SLC5A11: variants seen among roughly 807,000 people sequenced by gnomAD.
The protein encoded by SLC5A11 is sodium/myo-inositol cotransporter 2.
Under a neutral mutation model 69.8 loss-of-function variants are expected in SLC5A11, and 48 were observed. The ratio of observed to expected loss-of-function variants is 0.69; its 90% CI spans 0.55 to 0.87. SLC5A11 has a LOEUF of 0.87. Among genes scored for constraint, SLC5A11 ranks in the 40% least tolerant of loss-of-function variants. The pLI, the probability that SLC5A11 is intolerant of heterozygous loss-of-function variation, is 0.00. For missense variants in SLC5A11, 784 were observed against 866.1 expected, an observed-to-expected ratio of 0.91 and a Z score of 1.19; for synonymous variants, 319 against 342.4, an observed-to-expected ratio of 0.93 and a Z score of 0.75.
intron 2 of SLC5A11, 67 bp from the exon 4 acceptor site, chr16:24,862,534 A>G: frequency 7.3e-7 from 1 of 1,376,774 alleles, no homozygotes. Context: ...TGCCTGGCCT[A>G]GGCCATTTTG....
chr16:24,895,281 G>T (rs1210439430), intron 9 of SLC5A11, among the ~76,000 whole-genome samples: 1 of 152,030 alleles, frequency 6.6e-6, no homozygotes, highest in African/African-American at 2.4e-5. Flanking sequence ...TTAAGGTCAG[G>T]AGTTTGAGAC....
chr16:24,896,214 T>C (rs1283194168), intron 9 of SLC5A11, among the ~76,000 whole-genome samples: 1 of 151,822 alleles, frequency 6.6e-6, no homozygotes, highest in African/African-American at 2.4e-5. Context: ...AAACATAAAA[T>C]GTAGCCAAGT....
At chr16:24,857,071 C>T (rs192999360) in intron 1 of SLC5A11, among the ~76,000 whole-genome samples, 125 of 152,302 alleles carry the variant, frequency 8.2e-4, no homozygotes, top group South Asian at 6.0e-3. Context: ...CCACTCACCT[C>T]GGCCTCCCGA....
chr16:24,903,134 A>G (rs188145561), intron 10 of SLC5A11, among the ~76,000 whole-genome samples: 1 of 151,328 alleles, frequency 6.6e-6, no homozygotes, highest in Admixed American at 6.6e-5. Context: ...TAGAAGTGCA[A>G]ACTTTCAGTC....
intron 10 of SLC5A11, among the ~76,000 whole-genome samples, chr16:24,901,932 A>G (rs1021924792): frequency 1.9e-4 from 7 of 36,382 alleles, no homozygotes; most frequent in Middle Eastern, 9.1e-3. Context: ...AAAAAAAAAT[A>G]CACACACACA....
At chr16:24,894,749 C>T (rs990636048) in intron 9 of SLC5A11, among the ~76,000 whole-genome samples, 1 of 151,706 alleles carries the variant, frequency 6.6e-6, no homozygotes, top group African/African-American at 2.4e-5. Flanking sequence ...GCAGTGAACC[C>T]GGATCGCGCC....
At chr16:24,868,758 C>G (rs892858517) in intron 3 of SLC5A11, among the ~76,000 whole-genome samples, 1 of 151,920 alleles carries the variant, frequency 6.6e-6, no homozygotes, top group African/African-American at 2.4e-5. Flanking sequence ...GGTAAAATGG[C>G]TCTTTCACAA....
intron 10 of SLC5A11, among the ~76,000 whole-genome samples, chr16:24,905,628 A>ACGCGCGCACGCGCG (rs2049979488): frequency 7.8e-6 from 1 of 128,544 alleles, no homozygotes; most frequent in African/African-American, 3.0e-5. Context: ...TCTCAAAAAC[A>ACGCGCGCACGCGCG]CGCGCGCGCG....
intron 2 of SLC5A11, among the ~76,000 whole-genome samples, chr16:24,860,922 T>C (rs1863367013): frequency 6.6e-6 from 1 of 152,076 alleles, no homozygotes; most frequent in African/African-American, 2.4e-5. Context: ...TTAGCCAGGA[T>C]GGTCTCAATC....
intron 10 of SLC5A11, among the ~76,000 whole-genome samples, chr16:24,901,127 C>T (rs976377801): frequency 1.5e-4 from 23 of 152,062 alleles, no homozygotes; most frequent in South Asian, 4.2e-4. Context: ...CTCTTTGCTT[C>T]GTTTCCTCAC....
At chr16:24,863,639 T>A (rs73553420) in intron 3 of SLC5A11, among the ~76,000 whole-genome samples, 1 of 150,546 alleles carries the variant, frequency 6.6e-6, no homozygotes, top group East Asian at 1.9e-4. Context: ...ATAAAAGCTA[T>A]GAGAAGTGAA....
At chr16:24,881,642 A>G (rs1008695227) in intron 7 of SLC5A11, among the ~76,000 whole-genome samples, 26 of 152,146 alleles carry the variant, frequency 1.7e-4, no homozygotes, top group Admixed American at 1.5e-3. Context: ...TCGTATCTCA[A>G]CCAAGTTTAA....
At chr16:24,894,883 G>A (rs1461117680) in intron 9 of SLC5A11, among the ~76,000 whole-genome samples, 1 of 152,176 alleles carries the variant, frequency 6.6e-6, no homozygotes, top group East Asian at 1.9e-4. Context: ...ACTTTGGGAG[G>A]CTGTGAGAAG....
chr16:24,870,601 G>A (rs1052303194), intron 4 of SLC5A11, among the ~76,000 whole-genome samples: 4 of 151,794 alleles, frequency 2.6e-5, no homozygotes, highest in Non-Finnish European at 5.9e-5. Flanking sequence ...CCAACATGGT[G>A]AGACTCCATC....
intron 9 of SLC5A11, among the ~76,000 whole-genome samples, chr16:24,896,796 C>T (rs1354158587): frequency 6.6e-6 from 1 of 152,116 alleles, no homozygotes; most frequent in Non-Finnish European, 1.5e-5. Context: ...TTGCCTTTCT[C>T]TCCATTTCCT....
intron 8 of SLC5A11, among the ~76,000 whole-genome samples, chr16:24,889,192 C>T (rs2048603222): frequency 6.6e-6 from 1 of 152,002 alleles, no homozygotes; most frequent in Non-Finnish European, 1.5e-5. Context: ...AGAAAAGAAA[C>T]AAAATATAAG....
At chr16:24,858,884 G>A in intron 2 of SLC5A11, 106 bp downstream of exon 3, 1 of 1,374,572 alleles carries the variant, frequency 7.3e-7, no homozygotes, top group Non-Finnish European at 9.7e-7. Flanking sequence ...GACTGTGAGA[G>A]GAAGAAACTA....
chr16:24,859,871 C>T (rs112246371), intron 2 of SLC5A11, among the ~76,000 whole-genome samples: 37 of 152,300 alleles, frequency 2.4e-4, no homozygotes, highest in African/African-American at 8.9e-4. Context: ...AAACCCTGGC[C>T]CAGCGCAGTG....
In SLC5A11 at chr16:24,858,600, T is replaced by TGGCATTTGCCC; in HGVS notation, c.-24-19_-24-9dup. The TGGCATTTGCCC allele has an allele frequency of 6.4e-7, 1 of 1,574,038 alleles. No individual in the cohort carries two copies. Among genetic ancestry groups the TGGCATTTGCCC allele is most frequent in the South Asian group, 1.2e-5 (1 of 84,510 alleles). ...ATGATGCTAGGATCTGGCATTTGAC[T>TGGCATTTGCCC]GGCATTTGCCCTTCCTCAGGATCCA... On this transcript the variant is annotated intron_variant, in intron 1 of 15. Transcript: ENST00000347898.
Sources: allele counts gnomAD v4.1 joint callset (sites outside exome capture counted in the v4.1 genomes callset), GRCh38; gene constraint gnomAD v4.1.1; transcripts MANE v1.5; gene names NCBI Gene and HGNC (gene_info 2026-07-23, HGNC 2026-07-21).